XRN1: variants seen among roughly 807,000 people sequenced by gnomAD.
The protein encoded by XRN1 is 5'-3' exoribonuclease 1.
A neutral mutation model predicts 222.3 loss-of-function variants in XRN1; 67 were observed. That is an observed-to-expected ratio of 0.30 (90% CI 0.25 to 0.37). The LOEUF (loss-of-function observed/expected upper bound fraction) is 0.37. XRN1 is among the 10% of genes least tolerant of loss of function. The pLI is 1.00. For synonymous variants in XRN1, 643 were observed against 652.4 expected, an observed-to-expected ratio of 0.99 and a Z score of 0.22; for missense variants, 1,707 against 2,000.2, an observed-to-expected ratio of 0.85 and a Z score of 2.80.
rs2066438129 is a variant in XRN1, at chr3:142,355,412, T to C, written c.3757A>G (p.Ile1253Val). ...CAAGGAATACTAACCTTCTCTTGTA[T>C]AGTTGGCTGAAAGTATTGCATCTTT... ...SGKMQYFQPT[I>V]QEKGAVLPQE... Residue 1253 changes from isoleucine to valine, a missense_variant, in exon 32 of 41, where the codon ATA becomes GTA. This residue lies in a region of XRN1 where 1,234 missense variants were observed against 1,518.2 expected (regional missense o/e 0.81). Coordinates refer to ENST00000392981, the MANE Select transcript of XRN1 (RefSeq NM_001282857.2). 1 of 1,566,224 alleles carries C rather than the reference T, an allele frequency of 6.4e-7. No individual in the cohort carries two copies. Among genetic ancestry groups the C allele is most frequent in the South Asian group, 1.2e-5 (1 of 81,060 alleles).
chr3:142,439,097 C>G (rs2070071704), intron 1 of XRN1, among the ~76,000 whole-genome samples: 1 of 152,120 alleles, frequency 6.6e-6, no homozygotes, highest in African/African-American at 2.4e-5. Flanking sequence ...AGACTTAAAG[C>G]AAATTAAAAT....
At chr3:142,384,836 T>G (rs1031913532) in intron 20 of XRN1, 151 bp from the exon 21 acceptor site, 16 of 543,784 alleles carry the variant, frequency 2.9e-5, no homozygotes, top group Non-Finnish European at 4.3e-5. Context: ...GTACCTAACT[T>G]GAGACTTTTT....
At position 142,321,489 on chromosome 3, in the gene XRN1, T is replaced by C. The variant is rs146781447; in HGVS notation, c.4405-2586A>G. Among the ~76,000 whole-genome samples, 985 of 152,302 alleles carry C rather than the reference T, an allele frequency of 6.5e-3. 19 individuals carry two copies. Among genetic ancestry groups the C allele is most frequent in the East Asian group, 0.026 (137 of 5,180 alleles). On this transcript the variant is annotated intron_variant, in intron 37 of 40. Coordinates refer to ENST00000392981, the MANE Select transcript of XRN1 (RefSeq NM_001282857.2). ...TTTTGAACATGTATGCAAGGGTTTA[T>C]TTTTGGGCTCTCTGTTCTATTCCAT...
chr3:142,325,672 T>C (rs979007628), intron 37 of XRN1, among the ~76,000 whole-genome samples: 2 of 152,186 alleles, frequency 1.3e-5, no homozygotes, highest in African/African-American at 4.8e-5. Flanking sequence ...TTTTTAAGCT[T>C]GATGTGATAC....
chr3:142,403,451 C>T (rs1189996404), intron 18 of XRN1, among the ~76,000 whole-genome samples: 1 of 152,162 alleles, frequency 6.6e-6, no homozygotes, highest in African/African-American at 2.4e-5. Flanking sequence ...CATAGCTCTT[C>T]TCCTTTTTAA....
chr3:142,329,676 T>A, intron 36 of XRN1, 61 bp from the exon 37 acceptor site: 1 of 1,468,016 alleles, frequency 6.8e-7, no homozygotes, highest in Non-Finnish European at 9.0e-7. Context: ...AATTATGCAC[T>A]TATTGTAGGG....
chr3:142,374,314 A>G (rs1382267381), intron 25 of XRN1, among the ~76,000 whole-genome samples: 2 of 152,206 alleles, frequency 1.3e-5, no homozygotes, highest in African/African-American at 4.8e-5. Flanking sequence ...AAGCAGGAAG[A>G]CACAGGTTTT....
In XRN1 at chr3:142,369,518, G is replaced by A. The variant is rs566957436; in HGVS notation, c.3204+967C>T. Reference sequence around the variant, plus strand: ...TAAAAATTGGCTGGGCGAGGTGGCAGGTACCTGTAATCCCAGCTACATGGG... The same window carrying A: ...TAAAAATTGGCTGGGCGAGGTGGCAAGTACCTGTAATCCCAGCTACATGGG... On this transcript the variant is annotated intron_variant, in intron 27 of 40. Transcript: ENST00000392981. Among the ~76,000 whole-genome samples the A allele has an allele frequency of 1.5e-3, 226 of 151,718 alleles. 1 individual carries two copies. Among genetic ancestry groups the A allele is most frequent in the African/African-American group, 4.4e-3 (181 of 41,348 alleles).
chr3:142,341,683 C>T (rs1438525743), intron 33 of XRN1, among the ~76,000 whole-genome samples: 1 of 151,978 alleles, frequency 6.6e-6, no homozygotes, highest in Admixed American at 6.6e-5. Context: ...CAGAAACACA[C>T]ATCACCTATA....
At chr3:142,328,441 T>C (rs2065581399) in intron 37 of XRN1, among the ~76,000 whole-genome samples, 1 of 151,952 alleles carries the variant, frequency 6.6e-6, no homozygotes, top group Admixed American at 6.6e-5. Flanking sequence ...ATTTGTATAG[T>C]TTCCAAAGTT....
chr3:142,444,536 G>A (rs1489203386), intron 1 of XRN1, among the ~76,000 whole-genome samples: 1 of 152,146 alleles, frequency 6.6e-6, no homozygotes, highest in African/African-American at 2.4e-5. Flanking sequence ...TTGAACCGGG[G>A]AGGCAGGGGT....
Position 142,332,438 on chromosome 3 carries a change from C to T in XRN1, c.4159G>A (p.Val1387Ile), listed in dbSNP as rs1470274384. Residue 1387 changes from valine to isoleucine, a missense_variant, in exon 36 of 41, where the codon GTT becomes ATT. By Grantham distance (29) the Val-to-Ile change is conservative (BLOSUM62 3). This residue lies in a region of XRN1 where 473 missense variants were observed against 482.0 expected (regional missense o/e 0.98). Transcript: ENST00000392981. ...EIKQIANEIP[V>I]SSNRRDEYGL... ...TATTCATCTCTTCTGTTAGAGGAAACAGGGATTTCATTAGCAATCTGTTTG... is the reference window on the plus strand; with the variant it reads ...TATTCATCTCTTCTGTTAGAGGAAATAGGGATTTCATTAGCAATCTGTTTG... The T allele has an allele frequency of 6.2e-7, 1 of 1,613,186 alleles. No individual in the cohort carries two copies. The highest frequency in any genetic ancestry group is 8.5e-7 in the Non-Finnish European group (1 of 1,179,452).
chr3:142,380,111 T>C lies in XRN1; in HGVS notation c.2686A>G (p.Asn896Asp). The C allele has an allele frequency of 6.2e-7, 1 of 1,613,930 alleles. No homozygotes were observed. The highest frequency in any genetic ancestry group is 8.5e-7 in the Non-Finnish European group (1 of 1,179,916). ...TGGTTCTGTATTAAAGCATCAAGAT[T>C]GGGTTCACATGGAATGCTGAAAATC... ...RVIFSIPCEPNLDALIQNQHK... is the reference protein window; with the variant it reads ...RVIFSIPCEPDLDALIQNQHK... Residue 896 changes from asparagine (N) to aspartate (D), a missense_variant, in exon 23 of 41, where the codon AAT (asparagine) becomes GAT (aspartate). This residue lies in a region of XRN1 where 1,234 missense variants were observed against 1,518.2 expected (regional missense o/e 0.81). Transcript: ENST00000392981.
chr3:142,324,105 A>AT (rs1472617922), intron 37 of XRN1, among the ~76,000 whole-genome samples: 2 of 145,158 alleles, frequency 1.4e-5, no homozygotes, highest in South Asian at 2.2e-4. Flanking sequence ...TATTATTTTT[A>AT]TTTTTTTTAC....
At chr3:142,330,357 T>C (rs2065659715) in intron 36 of XRN1, among the ~76,000 whole-genome samples, 1 of 152,216 alleles carries the variant, frequency 6.6e-6, no homozygotes, top group Admixed American at 6.5e-5. Context: ...TTTGAAATTG[T>C]CTTCTAAGTG....
At chr3:142,388,476 C>CAAA (rs1249006331) in intron 20 of XRN1, among the ~76,000 whole-genome samples, 31 of 152,306 alleles carry the variant, frequency 2.0e-4, no homozygotes, top group Non-Finnish European at 3.2e-4. Context: ...TGGGGGTCAG[C>CAAA]ACCCCTACCT....
chr3:142,420,789 A>T (rs1262805294), intron 10 of XRN1, among the ~76,000 whole-genome samples: 2 of 152,156 alleles, frequency 1.3e-5, no homozygotes, highest in Non-Finnish European at 2.9e-5. Flanking sequence ...CATAAAACAC[A>T]ATGTACCTCT....
rs1013119310 is a variant in XRN1 at position 142,328,768 on chromosome 3, T to A, written c.4404+666A>T. On this transcript the variant is annotated intron_variant, in intron 37 of 40. Coordinates refer to ENST00000392981, the MANE Select transcript of XRN1 (RefSeq NM_001282857.2). ...ATATATATATATATATATATATATA[T>A]ATGTTTCAGAGACAAGGTCTTGCTC... 6.5e-4 allele frequency among the ~76,000 whole-genome samples: 56 copies of A among 86,204 alleles called. 2 individuals carry two copies. Among genetic ancestry groups the A allele is most frequent in the East Asian group, 4.3e-4 (1 of 2,346 alleles). The allele number at this position is 86,204 out of a possible 152,430, so 56.6% of individuals were successfully genotyped here. A position where few individuals can be genotyped will look rare whatever the true frequency, so the allele number is the denominator to read the frequency against.
intron 20 of XRN1, 96 bp downstream of exon 20, chr3:142,397,233 G>C (rs772995254): frequency 7.1e-5 from 84 of 1,185,140 alleles, no homozygotes; most frequent in Middle Eastern, 2.6e-4. Flanking sequence ...TTAGTATTCA[G>C]AGTAACTACT....
Sources: allele counts gnomAD v4.1 joint callset (sites outside exome capture counted in the v4.1 genomes callset), GRCh38; gene constraint gnomAD v4.1.1; regional missense constraint gnomAD v4.1.1; transcripts MANE v1.5; gene names NCBI Gene and HGNC (gene_info 2026-07-23, HGNC 2026-07-21).